GABPA: variants seen among roughly 807,000 people sequenced by gnomAD.
The protein encoded by GABPA is GA binding protein transcription factor subunit alpha.
GABPA carries 4 observed loss-of-function variants against 59.4 expected under a neutral mutation model. The ratio of observed to expected loss-of-function variants is 0.07; its 90% confidence interval spans 0.03 to 0.15. The LOEUF (loss-of-function observed/expected upper bound fraction) is 0.15, where lower values mean the gene tolerates loss of function less well. Among genes scored for constraint, GABPA ranks in the 10% least tolerant of loss-of-function variants. The pLI is 1.00. For synonymous variants in GABPA, 164 were observed against 183.1 expected (o/e 0.90, Z 0.84); for missense variants, 251 against 543.8 (o/e 0.46, Z 5.36).
At chr21:25,764,464 A>G in intron 8 of GABPA, 114 bp downstream of exon 8, 2 of 1,422,582 alleles carry the variant, frequency 1.4e-6, no homozygotes, top group Non-Finnish European at 1.9e-6. Flanking sequence ...CAGTTTTTAG[A>G]CAGCATTTCT....
chr21:25,739,741 A>G (rs2035172058), intron 1 of GABPA, among the ~76,000 whole-genome samples: 2 of 152,166 alleles, frequency 1.3e-5, no homozygotes, highest in African/African-American at 4.8e-5. Context: ...CAGCCTCCCA[A>G]GTAGCTAGGA....
At chr21:25,767,562 A>G (rs1361443002) in intron 9 of GABPA, among the ~76,000 whole-genome samples, 1 of 151,950 alleles carries the variant, frequency 6.6e-6, no homozygotes, top group Admixed American at 6.6e-5. Context: ...TTACCAAGAA[A>G]TATGATTATG....
rs1313283906 is a variant in GABPA at position 25,771,641 on chromosome 21, CT to C, written c.*2412del. ...GAAAGAAAATAAAATTTATGCTATT[CT>C]TTGCTTTGTTTTTATAAATGAATTT... On this transcript the variant is annotated 3_prime_UTR_variant, in exon 10 of 10. Transcript: ENST00000400075. The C allele has an allele frequency of 6.8e-6, 1 of 147,158 alleles. No individual in the cohort carries two copies. The highest frequency in any genetic ancestry group is 1.5e-5 in the Non-Finnish European group (1 of 67,750). The allele number at this position is 147,158 out of a possible 1,614,324, so 9.1% of individuals were successfully genotyped here.
chr21:25,735,797 G>A (rs1216644901), intron 1 of GABPA: 1 of 149,356 alleles, frequency 6.7e-6, no homozygotes, highest in African/African-American at 2.5e-5. Context: ...GGGGCGGGGG[G>A]CGAGCGGCCT....
At chr21:25,742,111 A>G (rs1601112045) in intron 2 of GABPA, among the ~76,000 whole-genome samples, 1 of 152,368 alleles carries the variant, frequency 6.6e-6, no homozygotes. Flanking sequence ...GAGGAGACAT[A>G]CAGGTATATG....
At position 25,745,413 on chromosome 21, in the gene GABPA, TTG is replaced by T. The variant is rs2035335966; in HGVS notation, c.222+61_222+62del. The T allele has an allele frequency of 3.9e-5, 59 of 1,509,210 alleles. No individual in the cohort carries two copies. In the South Asian group the frequency reaches 6.7e-4, roughly 17 times the overall value. The allele number at this position is 1,509,210 out of a possible 1,614,324, so 93.5% of individuals were successfully genotyped here. ...ATTTTAGTCTGCATAGGAATATTTT[TTG>T]TTAGCCTTTTCTTTATAGCTATAGA... is the stretch of plus-strand genomic sequence containing the variant. On this transcript the variant is annotated intron_variant, in intron 3 of 9. Coordinates refer to ENST00000400075, the MANE Select transcript of GABPA (RefSeq NM_002040.4).
chr21:25,739,257 C>G (rs932182890), intron 1 of GABPA, among the ~76,000 whole-genome samples: 1 of 152,306 alleles, frequency 6.6e-6, no homozygotes, highest in Admixed American at 6.5e-5. Flanking sequence ...ATATTGAGAA[C>G]TTAGGAGAGT....
In GABPA at chr21:25,741,573, G is replaced by T. The variant is rs759462435; in HGVS notation, c.-26G>T. ...ATATCTTAAAAAGTCACTCTTGCAG[G>T]ACTGATCCTTTGAAATACTCCAGCC... is the stretch of plus-strand genomic sequence containing the variant. On this transcript the variant is annotated splice_region_variant and 5_prime_UTR_variant, in exon 2 of 10. Coordinates refer to ENST00000400075, the MANE Select transcript of GABPA (RefSeq NM_002040.4). The T allele has an allele frequency of 1.3e-6, 2 of 1,524,238 alleles. No homozygotes were observed. Among genetic ancestry groups the T allele is most frequent in the East Asian group, 2.3e-5 (1 of 44,264 alleles). The allele number at this position is 1,524,238 out of a possible 1,614,324, so 94.4% of individuals were successfully genotyped here.
At chr21:25,764,896 GT>G in intron 9 of GABPA, 109 bp downstream of exon 9, 1 of 714,760 alleles carries the variant, frequency 1.4e-6, no homozygotes, top group Non-Finnish European at 2.0e-6. Flanking sequence ...TTAAAAACTT[GT>G]TTATGTTTTT....
chr21:25,759,559 A>G (rs569726538), intron 6 of GABPA, among the ~76,000 whole-genome samples: 1 of 152,104 alleles, frequency 6.6e-6, no homozygotes, highest in Non-Finnish European at 1.5e-5. Context: ...GGCATTTCTT[A>G]ATTGTTTATA....
At chr21:25,762,601 A>G (rs2035791460) in intron 7 of GABPA, among the ~76,000 whole-genome samples, 1 of 152,214 alleles carries the variant, frequency 6.6e-6, no homozygotes. Flanking sequence ...ATTTGTTAGG[A>G]CATCATTTGT....
intron 7 of GABPA, among the ~76,000 whole-genome samples, 190 bp from the exon 8 acceptor site, chr21:25,764,020 G>T (rs1246448670): frequency 6.6e-6 from 1 of 152,110 alleles, no homozygotes; most frequent in African/African-American, 2.4e-5. Context: ...TATAATGCAA[G>T]CGTTATACTT....
rs2035968310 is a variant in GABPA at position 25,769,466 on chromosome 21, G to C, written c.*234G>C. 1 of 431,678 alleles carries C rather than the reference G, an allele frequency of 2.3e-6. No individual in the cohort carries two copies. The highest frequency in any genetic ancestry group is 2.0e-5 in the African/African-American group (1 of 50,256). The allele number at this position is 431,678 out of a possible 1,614,324, so 26.7% of individuals were successfully genotyped here. ...CCACAATGTCTGCAGTGTGAAGGCAGGTTCATTGTGGAATAGTTTAACAGT... is the reference window on the plus strand; with the variant it reads ...CCACAATGTCTGCAGTGTGAAGGCACGTTCATTGTGGAATAGTTTAACAGT... On this transcript the variant is annotated 3_prime_UTR_variant, in exon 10 of 10. Coordinates refer to ENST00000400075, the MANE Select transcript of GABPA (RefSeq NM_002040.4).
At chr21:25,756,698 T>TA (rs1260078872) in intron 5 of GABPA, among the ~76,000 whole-genome samples, 2 of 152,342 alleles carry the variant, frequency 1.3e-5, no homozygotes, top group East Asian at 3.9e-4. Context: ...ATGGAGGTCT[T>TA]ATAGCTGTTA....
intron 1 of GABPA, among the ~76,000 whole-genome samples, chr21:25,736,904 C>T (rs1422223095): frequency 6.6e-6 from 1 of 152,166 alleles, no homozygotes; most frequent in African/African-American, 2.4e-5. Flanking sequence ...CACAGAAAAG[C>T]ATTTGATAAC....
At chr21:25,764,867 G>T in intron 9 of GABPA, 80 bp downstream of exon 9, 1 of 999,512 alleles carries the variant, frequency 1.0e-6, no homozygotes, top group Non-Finnish European at 1.4e-6. Flanking sequence ...GATGTAATAA[G>T]CATTGTTATG....
intron 4 of GABPA, among the ~76,000 whole-genome samples, chr21:25,751,365 A>ATTTATT (rs1308565033): frequency 7.2e-6 from 1 of 139,138 alleles, no homozygotes. Flanking sequence ...TTAATAAATT[A>ATTTATT]TTTATTTTTA....
chr21:25,752,285 G>C (rs766307139), intron 5 of GABPA, 51 bp downstream of exon 5: 5 of 1,544,786 alleles, frequency 3.2e-6, no homozygotes, highest in Non-Finnish European at 4.4e-6. Context: ...AATTAAGCTT[G>C]ACATAGAAGA....
chr21:25,738,455 C>T (rs1237286405), intron 1 of GABPA, among the ~76,000 whole-genome samples: 1 of 152,110 alleles, frequency 6.6e-6, no homozygotes, highest in Non-Finnish European at 1.5e-5. Context: ...TTGGAAACAT[C>T]TTTCCATTCT....
Sources: allele counts gnomAD v4.1 joint callset (sites outside exome capture counted in the v4.1 genomes callset), GRCh38; gene constraint gnomAD v4.1.1; transcripts MANE v1.5; gene names NCBI Gene and HGNC (gene_info 2026-07-23, HGNC 2026-07-21).